FNTB: variants seen among roughly 807,000 people sequenced by gnomAD.
The protein encoded by FNTB is farnesyltransferase, CAAX box, subunit beta, also known as protein farnesyltransferase subunit beta.
A neutral mutation model predicts 59.4 loss-of-function variants in FNTB; 27 were observed. The observed-to-expected ratio is 0.45, with a 90% CI of 0.34 to 0.63. The LOEUF (loss-of-function observed/expected upper bound fraction) is 0.63. Among genes scored for constraint, FNTB ranks in the 20% least tolerant of loss-of-function variants. The pLI, the probability that FNTB is intolerant of heterozygous loss-of-function variation, is 0.02. For missense variants in FNTB, 449 were observed against 559.6 expected, an observed-to-expected ratio of 0.80 and a Z score of 1.99; for synonymous variants, 230 against 220.7, an observed-to-expected ratio of 1.04 and a Z score of -0.37.
At chr14:65,005,515 CTCTCTCTT>C (rs1187807342) in intron 2 of FNTB, among the ~76,000 whole-genome samples, 33 of 92,696 alleles carry the variant, frequency 3.6e-4, no homozygotes, top group East Asian at 1.0e-3. Flanking sequence ...CTTTCTTTCT[CTCTCTCTT>C]TCTCTTTCTC....
chr14:65,004,395 C>A, intron 2 of FNTB, 82 bp downstream of exon 2: 1 of 1,441,938 alleles, frequency 6.9e-7, no homozygotes, highest in Non-Finnish European at 9.5e-7. Flanking sequence ...TTGAGCGAAT[C>A]TAACCACGGG....
chr14:65,035,419 G>A (rs1274298482), intron 7 of FNTB, among the ~76,000 whole-genome samples: 2 of 152,118 alleles, frequency 1.3e-5, no homozygotes, highest in Non-Finnish European at 2.9e-5. Context: ...TTTGCAGGGG[G>A]GTTGACTGGT....
At chr14:65,013,337 T>TTC (rs1555390991) in intron 3 of FNTB, among the ~76,000 whole-genome samples, 3 of 151,516 alleles carry the variant, frequency 2.0e-5, no homozygotes, top group African/African-American at 4.9e-5. Context: ...TTTTTTTTTT[T>TTC]CTTCCTCCAA....
chr14:64,999,715 C>G (rs771849831), intron 1 of FNTB, among the ~76,000 whole-genome samples: 1 of 152,024 alleles, frequency 6.6e-6, no homozygotes, highest in Non-Finnish European at 1.5e-5. Context: ...AGAAATATAC[C>G]AGAATATACT....
intron 3 of FNTB, 105 bp from the exon 4 acceptor site, chr14:65,015,520 C>T (rs2061756898): frequency 8.9e-7 from 1 of 1,126,346 alleles, no homozygotes; most frequent in South Asian, 1.6e-5. Flanking sequence ...AGGGTGCCCT[C>T]CTCCCCCTTG....
At chr14:65,057,920 A>G (rs1040185119) in intron 11 of FNTB, among the ~76,000 whole-genome samples, 1 of 152,122 alleles carries the variant, frequency 6.6e-6, no homozygotes, top group African/African-American at 2.4e-5. Context: ...CTGTTTGCCT[A>G]TCTGCACTCT....
chr14:64,987,211 C>T, intron 1 of FNTB, 114 bp downstream of exon 1: 1 of 1,268,586 alleles, frequency 7.9e-7, no homozygotes, highest in Non-Finnish European at 1.1e-6. Flanking sequence ...TCCCACAGCG[C>T]ACCGCGGTGC....
intron 7 of FNTB, among the ~76,000 whole-genome samples, chr14:65,039,584 C>G (rs2062296614): frequency 6.6e-6 from 1 of 152,070 alleles, no homozygotes; most frequent in South Asian, 2.1e-4. Context: ...CTTTTTGTTG[C>G]CCCTCTCCCA....
At chr14:65,035,264 A>G (rs1448686345) in intron 7 of FNTB, among the ~76,000 whole-genome samples, 1 of 152,174 alleles carries the variant, frequency 6.6e-6, no homozygotes, top group Non-Finnish European at 1.5e-5. Context: ...ACCAGAGAGA[A>G]AAAGTTGTGG....
intron 2 of FNTB, among the ~76,000 whole-genome samples, chr14:65,006,991 T>C (rs1454467835): frequency 6.6e-6 from 1 of 152,178 alleles, no homozygotes. Context: ...GGAAATAGAA[T>C]ATATCAGGGC....
At chr14:65,045,560 C>T (rs1258410167) in intron 9 of FNTB, among the ~76,000 whole-genome samples, 2 of 151,960 alleles carry the variant, frequency 1.3e-5, no homozygotes, top group African/African-American at 2.4e-5. Flanking sequence ...GGACTACAGG[C>T]GCGTGCCACC....
intron 9 of FNTB, among the ~76,000 whole-genome samples, chr14:65,049,850 A>G (rs1288574439): frequency 6.6e-6 from 1 of 152,154 alleles, no homozygotes; most frequent in Non-Finnish European, 1.5e-5. Context: ...GTTGCGAACC[A>G]TCATGACAAT....
chr14:64,999,931 T>C (rs1261315508), intron 1 of FNTB, among the ~76,000 whole-genome samples: 5 of 152,218 alleles, frequency 3.3e-5, no homozygotes, highest in Non-Finnish European at 7.3e-5. Flanking sequence ...CACCTTGTGG[T>C]ATGACATATT....
At chr14:64,987,179 G>A in intron 1 of FNTB, 82 bp downstream of exon 1, 7 of 1,518,116 alleles carry the variant, frequency 4.6e-6, no homozygotes, top group Non-Finnish European at 6.3e-6. Flanking sequence ...CCCGGGTGCG[G>A]AACTCACCGG....
At position 65,031,953 on chromosome 14, in the gene FNTB, T is replaced by C. The variant is rs2139589504; in HGVS notation, c.606-657T>C. Among the ~76,000 whole-genome samples the C allele has an allele frequency of 1.3e-5, 2 of 151,026 alleles. No individual in the cohort carries two copies. The highest frequency in any genetic ancestry group is 4.2e-4 in the South Asian group (2 of 4,756). On this transcript the variant is annotated intron_variant, in intron 6 of 11. Transcript: ENST00000246166. The surrounding 1 kb of genome is among the most constrained non-coding windows in gnomAD (Gnocchi z 4.6). The stretch of plus-strand genomic sequence containing the variant: ...ACCAAAACAAAAGCAAAACAAAAAA[T>C]ATAGACGTGCGCCTTTTTCATTTAA...
In FNTB at chr14:65,005,449, T is replaced by TTTTCTTTCTTTCTTTC. The variant is rs71123898; in HGVS notation, c.209+1186_209+1201dup. ...TGATGGAACACTTTCTCTTCCTTTC[T>TTTTCTTTCTTTCTTTC]TTTCTTTCTTTCTTTCTTTCTTTCT... On this transcript the variant is annotated intron_variant, in intron 2 of 11. Transcript: ENST00000246166. Among the ~76,000 whole-genome samples the TTTTCTTTCTTTCTTTC allele has an allele frequency of 9.8e-4, 117 of 119,912 alleles. 1 individual carries two copies. Among genetic ancestry groups the TTTTCTTTCTTTCTTTC allele is most frequent in the East Asian group, 1.5e-3 (6 of 4,112 alleles). 78.7% of individuals were successfully genotyped at this position (119,912 alleles called of 152,430 possible). A position where few individuals can be genotyped will look rare whatever the true frequency, so the allele number is the denominator to read the frequency against.
At chr14:65,043,498 AAGTC>A (rs1403651430) in intron 8 of FNTB, among the ~76,000 whole-genome samples, 1 of 152,184 alleles carries the variant, frequency 6.6e-6, no homozygotes, top group African/African-American at 2.4e-5. Flanking sequence ...TGCCAAGTAA[AAGTC>A]AGGAGCAGTT....
In FNTB at chr14:64,993,421, G is replaced by A. The variant is rs76142362; in HGVS notation, c.144+6324G>A. On this transcript the variant is annotated intron_variant, in intron 1 of 11. Transcript: ENST00000246166. The stretch of plus-strand genomic sequence containing the variant: ...CATTAGCCAAAGCAGCCTTAACTGA[G>A]GTTGTTTTAGGGTATTGTGTCATCC... Among the ~76,000 whole-genome samples, 108 of 152,282 alleles carry A rather than the reference G, an allele frequency of 7.1e-4. 1 individual carries two copies. In the East Asian group the frequency reaches 0.014, roughly 20 times the overall value.
intron 9 of FNTB, among the ~76,000 whole-genome samples, chr14:65,052,496 G>C (rs2062638989): frequency 6.6e-6 from 1 of 152,182 alleles, no homozygotes; most frequent in South Asian, 2.1e-4. Flanking sequence ...TTTCTATGCA[G>C]ATGTTTCTGC....
Sources: allele counts gnomAD v4.1 joint callset (sites outside exome capture counted in the v4.1 genomes callset), GRCh38; gene constraint gnomAD v4.1.1; non-coding constraint Gnocchi (gnomAD v3.1); transcripts MANE v1.5; gene names NCBI Gene and HGNC (gene_info 2026-07-23, HGNC 2026-07-21).